Variants in GRIA3 observed in about 807,000 individuals in gnomAD.
GRIA3 encodes the protein glutamate receptor 3.
GRIA3 carries 3 observed loss-of-function variants against 63.0 expected under a neutral mutation model. The observed-to-expected ratio is 0.05, with a 90% CI of 0.02 to 0.12. The LOEUF is 0.12. GRIA3 is among the 10% of genes least tolerant of loss of function. GRIA3 has a pLI of 1.00. For missense variants in GRIA3, 347 were observed against 700.9 expected (o/e 0.50, Z 5.70); for synonymous variants, 274 against 257.9 (o/e 1.06, Z -0.60).
chrX:123,467,501 G>T (rs1221810652), intron 13 of GRIA3, among the ~76,000 whole-genome samples: 1 of 112,194 alleles, frequency 8.9e-6, no homozygotes, highest in Non-Finnish European at 1.9e-5. Flanking sequence ...TATTTACAAT[G>T]GCCAACTTGA....
At chrX:123,314,329 T>C (rs960492773) in intron 3 of GRIA3, among the ~76,000 whole-genome samples, 1 of 112,638 alleles carries the variant, frequency 8.9e-6, no homozygotes, top group Non-Finnish European at 1.9e-5. Flanking sequence ...AGATGACTCC[T>C]GCCCTCTGTG....
chrX:123,427,509 T>A (rs367770330), intron 11 of GRIA3, among the ~76,000 whole-genome samples: 1 of 110,886 alleles, frequency 9.0e-6, no homozygotes, highest in African/African-American at 3.3e-5. Flanking sequence ...TTATTACCTG[T>A]GGAAGCAGGA....
rs1414193028 is a variant in GRIA3, at chrX:123,489,484, A to G, written c.*774A>G. On this transcript the variant is annotated 3_prime_UTR_variant, in exon 16 of 16. Coordinates refer to ENST00000620443, the MANE Select transcript of GRIA3 (RefSeq NM_007325.5). ...AGCTTTCGAAATTGACTTTGTGTGT[A>G]GCAAGGGACGGGGCACTATCAGGAT... The G allele has an allele frequency of 8.9e-6, 1 of 112,595 alleles. No individual in the cohort carries two copies. The allele number at this position is 112,595 out of a possible 1,213,427, so 9.3% of individuals were successfully genotyped here.
At chrX:123,434,403 G>A (rs1402941127) in intron 12 of GRIA3, among the ~76,000 whole-genome samples, 1 of 111,432 alleles carries the variant, frequency 9.0e-6, no homozygotes, top group Non-Finnish European at 1.9e-5. Flanking sequence ...AATGTTTGAG[G>A]ATACATCCAA....
At chrX:123,196,084 G>A (rs1927569132) in intron 2 of GRIA3, among the ~76,000 whole-genome samples, 1 of 110,895 alleles carries the variant, frequency 9.0e-6, no homozygotes, top group African/African-American at 3.3e-5. Flanking sequence ...CTGTGCTCTG[G>A]GACAACTTCT....
At chrX:123,220,946 C>T (rs908179207) in intron 2 of GRIA3, among the ~76,000 whole-genome samples, 1 of 112,380 alleles carries the variant, frequency 8.9e-6, no homozygotes, top group East Asian at 2.8e-4. Flanking sequence ...CACTTACACA[C>T]TCATAGTTTT....
chrX:123,478,463 C>T (rs141645953), intron 13 of GRIA3, among the ~76,000 whole-genome samples: 55 of 111,932 alleles, frequency 4.9e-4, no homozygotes, highest in African/African-American at 1.4e-3. Context: ...CCAGGTCCTA[C>T]GCTAACCAAG....
intron 3 of GRIA3, among the ~76,000 whole-genome samples, chrX:123,323,895 C>T (rs1260569053): frequency 8.9e-6 from 1 of 111,825 alleles, no homozygotes; most frequent in Non-Finnish European, 1.9e-5. Flanking sequence ...AAAATATTGG[C>T]AAAGGCTGCT....
At chrX:123,309,505 C>T (rs1449668171) in intron 3 of GRIA3, among the ~76,000 whole-genome samples, 1 of 112,107 alleles carries the variant, frequency 8.9e-6, no homozygotes, top group Non-Finnish European at 1.9e-5. Flanking sequence ...TAATAAACTT[C>T]AAAGAACATT....
rs1556314624 is a variant in GRIA3 at position 123,407,696 on chromosome X, G to GA, written c.1500+2782_1500+2783insA. 3.4e-5 allele frequency among the ~76,000 whole-genome samples: 3 copies of GA among 87,630 alleles called. 1 individual carries two copies. Among genetic ancestry groups the GA allele is most frequent in the African/African-American group, 1.2e-4 (3 of 24,034 alleles). The allele number at this position is 87,630 out of a possible 115,157, so 76.1% of individuals were successfully genotyped here. On this transcript the variant is annotated intron_variant, in intron 10 of 15. Coordinates refer to ENST00000620443, the MANE Select transcript of GRIA3 (RefSeq NM_007325.5). ...TTCAACATATGACTTGGTTGCGGGGGGGGGGGGGACGTGGGGACACAAATA... is the reference window on the plus strand; with the variant it reads ...TTCAACATATGACTTGGTTGCGGGGGAGGGGGGGGACGTGGGGACACAAATA...
At chrX:123,411,827 A>T (rs1455763645) in intron 10 of GRIA3, among the ~76,000 whole-genome samples, 2 of 110,928 alleles carry the variant, frequency 1.8e-5, no homozygotes, top group Non-Finnish European at 3.8e-5. Flanking sequence ...CAATTGGAGC[A>T]CCCTCATACC....
Position 123,326,191 on chromosome X carries a change from G to A in GRIA3, c.674G>A (p.Arg225Lys). 1 of 1,208,588 alleles carries A rather than the reference G, an allele frequency of 8.3e-7. No individual in the cohort carries two copies. Among genetic ancestry groups the A allele is most frequent in the Admixed American group, 2.2e-5 (1 of 46,005 alleles). The change falls in exon 4 of 16, where the codon AGG (arginine) becomes AAG (lysine). Residue 225 changes from arginine (R) to lysine (K), a missense_variant. This residue lies in a region of GRIA3 where 113 missense variants were observed against 130.6 expected (regional missense o/e 0.87). Transcript: ENST00000620443. ...KRYLIDCEVE[R>K]INTILEQVVI... ...TACTTGATTGACTGCGAAGTCGAAA[G>A]GATTAACACAATTTTGGAACAGGTA...
At chrX:123,410,607 G>A (rs1192285082) in intron 10 of GRIA3, among the ~76,000 whole-genome samples, 1 of 111,752 alleles carries the variant, frequency 8.9e-6, no homozygotes, top group Admixed American at 9.5e-5. Context: ...GCAGAGAGTC[G>A]ATTTGTCCTT....
chrX:123,241,600 G>T (rs1033627223), intron 2 of GRIA3, among the ~76,000 whole-genome samples: 16 of 110,751 alleles, frequency 1.4e-4, no homozygotes, highest in Non-Finnish European at 2.5e-4. Flanking sequence ...TTCTGGAGGG[G>T]TTCAACCTTA....
intron 5 of GRIA3, among the ~76,000 whole-genome samples, chrX:123,370,127 T>C (rs1201372140): frequency 1.8e-5 from 2 of 112,117 alleles, no homozygotes; most frequent in Non-Finnish European, 3.8e-5. Flanking sequence ...AAATAATTTA[T>C]GAACAAATGA....
chrX:123,395,126 A>G lies in GRIA3; in HGVS notation c.909A>G (p.Leu303=). The G allele has an allele frequency of 8.3e-7, 1 of 1,206,011 alleles. No individual in the cohort carries two copies. The highest frequency in any genetic ancestry group is 1.1e-6 in the Non-Finnish European group (1 of 890,306). The stretch of plus-strand genomic sequence containing the variant: ...TCCCTGAAGCCAAGAATGCACCACT[A>G]AAGGTAATGTTCCATGGCATGTAAA... ...REFPEAKNAP[L]KYTSALTHDA... Residue 303 remains leucine, a synonymous_variant, in exon 6 of 16, where the codon CTA becomes CTG. Transcript: ENST00000620443.
chrX:123,478,292 G>A, intron 13 of GRIA3, among the ~76,000 whole-genome samples: 1 of 111,914 alleles, frequency 8.9e-6, no homozygotes, highest in South Asian at 3.7e-4. Flanking sequence ...TCTTAAAGAG[G>A]CTCAAAGTTT....
Position 123,316,611 on chromosome X carries a change from T to C in GRIA3, c.509-9415T>C, listed in dbSNP as rs149643539. Among the ~76,000 whole-genome samples, 478 of 112,497 alleles carry C rather than the reference T, an allele frequency of 4.2e-3. 1 individual carries two copies. The highest frequency in any genetic ancestry group is 0.014 in the African/African-American group (433 of 31,001). ...CGGCATTATTCATAATAAGGAGAGA[T>C]TGGAAAACACTGAAATGTTCATGTT... On this transcript the variant is annotated intron_variant, in intron 3 of 15. Coordinates refer to ENST00000620443, the MANE Select transcript of GRIA3 (RefSeq NM_007325.5).
chrX:123,487,467 T>C (rs1463107193), intron 15 of GRIA3, among the ~76,000 whole-genome samples: 1 of 111,996 alleles, frequency 8.9e-6, no homozygotes, highest in Non-Finnish European at 1.9e-5. Context: ...TGCATAGGCA[T>C]GCTTACTGGA....
Sources: gnomAD v4.1 joint callset for allele counts (sites outside exome capture counted in the v4.1 genomes callset) on GRCh38, gnomAD v4.1.1 for gene constraint, gnomAD v4.1.1 regional missense constraint, MANE v1.5 for transcripts, NCBI Gene and HGNC (gene_info 2026-07-23, HGNC 2026-07-21) for gene names.